Variants in NPAS2 observed in about 807,000 individuals in gnomAD.
NPAS2 encodes the protein neuronal PAS domain protein 2.
NPAS2 carries 23 observed loss-of-function variants against 107.5 expected under a neutral mutation model. The ratio of observed to expected loss-of-function variants is 0.21; its 90% CI spans 0.15 to 0.30. NPAS2 has a LOEUF of 0.30. Among genes scored for constraint, NPAS2 ranks in the 10% least tolerant of loss-of-function variants. NPAS2 has a pLI of 1.00. For missense variants in NPAS2, 756 were observed against 1,043.3 expected, an observed-to-expected ratio of 0.72 and a Z score of 3.79; for synonymous variants, 403 against 417.5, an observed-to-expected ratio of 0.97 and a Z score of 0.42.
At chr2:100,955,069 G>A (rs536327966) in intron 7 of NPAS2, among the ~76,000 whole-genome samples, 103 of 151,968 alleles carry the variant, frequency 6.8e-4, no homozygotes, top group Non-Finnish European at 1.3e-3. Context: ...GTAGAGATGG[G>A]GTTTCGTCAT....
chr2:100,977,641 C>G lies in NPAS2; in HGVS notation c.1393-69C>G. 3 of 1,394,248 alleles carry G rather than the reference C, an allele frequency of 2.2e-6. No homozygotes were observed. In the South Asian group the frequency reaches 3.5e-5, roughly 16 times the overall value. The allele number at this position is 1,394,248 out of a possible 1,614,324, so 86.4% of individuals were successfully genotyped here. On this transcript the variant is annotated intron_variant, in intron 14 of 20. Transcript: ENST00000335681. ...GCGGAACGCAGAGAACCCACCGGAC[C>G]AAGAGACCACATCCCTGTCCCCTGG...
At chr2:100,933,078 C>A in intron 4 of NPAS2, 77 bp downstream of exon 4, 2 of 1,027,644 alleles carry the variant, frequency 1.9e-6, no homozygotes, top group Non-Finnish European at 3.1e-6. Context: ...GTCCCTGTAC[C>A]CAAAGGAAAC....
At chr2:100,913,603 A>C (rs566738601) in intron 2 of NPAS2, among the ~76,000 whole-genome samples, 1 of 152,162 alleles carries the variant, frequency 6.6e-6, no homozygotes, top group Admixed American at 6.5e-5. Flanking sequence ...AAATGGATTA[A>C]AAGGAAGAGC....
chr2:100,982,137 G>A, intron 15 of NPAS2, 94 bp from the exon 16 acceptor site: 1 of 1,452,178 alleles, frequency 6.9e-7, no homozygotes, highest in South Asian at 1.3e-5. Flanking sequence ...CTAAGGGACG[G>A]AAATGAAGTG....
chr2:100,895,485 T>A (rs564081628), intron 1 of NPAS2, among the ~76,000 whole-genome samples: 2 of 152,342 alleles, frequency 1.3e-5, no homozygotes, highest in South Asian at 2.1e-4. Context: ...AGGCCACCAC[T>A]GCCTTTCTCC....
chr2:100,930,156 AT>A (rs1263008083), intron 3 of NPAS2, among the ~76,000 whole-genome samples: 1 of 152,224 alleles, frequency 6.6e-6, no homozygotes, highest in East Asian at 1.9e-4. Flanking sequence ...CCTACACATT[AT>A]CCTCTTCCTG....
At chr2:100,854,818 T>G (rs1678454756) in intron 1 of NPAS2, among the ~76,000 whole-genome samples, 1 of 152,192 alleles carries the variant, frequency 6.6e-6, no homozygotes, top group South Asian at 2.1e-4. Context: ...TGATACCCAT[T>G]GTTGGTACGT....
chr2:100,967,237 C>CTTTTTT (rs58558247), intron 10 of NPAS2, among the ~76,000 whole-genome samples: 1 of 100,548 alleles, frequency 9.9e-6, no homozygotes, highest in African/African-American at 4.0e-5. Context: ...AGTCAGTGTC[C>CTTTTTT]TTTTTTTTTT....
chr2:100,965,798 G>A lies in NPAS2; in HGVS notation c.907+32G>A. On this transcript the variant is annotated intron_variant, in intron 10 of 20. Coordinates refer to ENST00000335681, the MANE Select transcript of NPAS2 (RefSeq NM_002518.4). The surrounding 1 kb of genome is among the most constrained non-coding windows in gnomAD (Gnocchi z 4.3). ...ACCACTGCCCAGCCCAGGCATGGGG[G>A]CCTTGCGTTCACTCCACTGGGGCCC... 2.3e-6 allele frequency: 3 copies of A among 1,301,606 alleles called. No homozygotes were observed. The highest frequency in any genetic ancestry group is 3.1e-6 in the Non-Finnish European group (3 of 962,232). 80.6% of individuals were successfully genotyped at this position (1,301,606 alleles called of 1,614,324 possible). A position where few individuals can be genotyped will look rare whatever the true frequency, so the allele number is the denominator to read the frequency against.
intron 1 of NPAS2, among the ~76,000 whole-genome samples, chr2:100,833,220 G>T (rs1428314496): frequency 1.3e-5 from 2 of 152,192 alleles, no homozygotes; most frequent in Admixed American, 1.3e-4. Context: ...CCCTGATATG[G>T]TCACTGTGAC....
chr2:100,912,215 C>CATTTATTTATTTATTT (rs200504991), intron 2 of NPAS2, among the ~76,000 whole-genome samples: 1 of 143,324 alleles, frequency 7.0e-6, no homozygotes. Flanking sequence ...CAGTTTGCTC[C>CATTTATTTATTTATTT]ATTTATTTAT....
rs560912478 is a variant in NPAS2, at chr2:100,996,644, C to T, written c.*1062C>T. ...GATTTTATGTAATTATAAGATGAAG[C>T]GTAGTGAATTGTACAGCTGTTGTAA... is the stretch of plus-strand genomic sequence containing the variant. On this transcript the variant is annotated 3_prime_UTR_variant, in exon 21 of 21. Coordinates refer to ENST00000335681, the MANE Select transcript of NPAS2 (RefSeq NM_002518.4). 4.6e-5 allele frequency: 7 copies of T among 152,670 alleles called. No homozygotes were observed. In the South Asian group the frequency reaches 1.2e-3, roughly 27 times the overall value. 9.5% of individuals were successfully genotyped at this position (152,670 alleles called of 1,614,324 possible).
At position 100,993,499 on chromosome 2, in the gene NPAS2, G is replaced by A. The variant is rs113107029; in HGVS notation, c.2264G>A (p.Arg755Gln). Residue 755 changes from arginine (R) to glutamine (Q), a missense_variant, in exon 20 of 21, where the codon CGG (arginine) becomes CAG (glutamine). Arg to Gln is a conservative substitution (Grantham distance 43). This residue lies in a region of NPAS2 where 496 missense variants were observed against 594.4 expected (regional missense o/e 0.83). Coordinates refer to ENST00000335681, the MANE Select transcript of NPAS2 (RefSeq NM_002518.4). ...QPSPLQPAQA[R>Q]QQPPQHYLQV... ...TCGCCCCTGCAGCCTGCACAGGCCC[G>A]GCAGCAGCCACCGCAGCACTACCTG... The A allele has an allele frequency of 4.6e-3, 7,411 of 1,594,620 alleles. 34 individuals are homozygous for A. Among genetic ancestry groups the A allele is most frequent in the Non-Finnish European group, 5.9e-3 (6,899 of 1,170,770 alleles).
intron 1 of NPAS2, among the ~76,000 whole-genome samples, chr2:100,824,819 C>T (rs1676275841): frequency 6.6e-6 from 1 of 152,188 alleles, no homozygotes; most frequent in Admixed American, 6.5e-5. Context: ...CTACCATTTG[C>T]CTTCCACGCT....
chr2:100,946,300 A>G (rs914764841), intron 5 of NPAS2, among the ~76,000 whole-genome samples: 3 of 134,264 alleles, frequency 2.2e-5, no homozygotes, highest in Admixed American at 1.5e-4. Context: ...ATGTCACCTG[A>G]TGTCCCATCA....
chr2:100,984,748 C>G (rs1248053304), intron 16 of NPAS2: 4 of 152,102 alleles, frequency 2.6e-5, no homozygotes, highest in Non-Finnish European at 5.9e-5. Flanking sequence ...TGCCCAGCAG[C>G]AAACCAGGAA....
In NPAS2 at chr2:100,932,946, A is replaced by G; in HGVS notation, c.218A>G (p.Gln73Arg). The change falls in exon 4 of 21, where the codon CAA becomes CGA. Residue 73 changes from glutamine to arginine, a missense_variant. By Grantham distance (43) the Gln-to-Arg change is conservative (BLOSUM62 1). Transcript: ENST00000335681. ...SAQTEICDIQ[Q>R]DWKPSFLSNE... ...CAAACGGAAATCTGTGACATTCAGCAAGACTGGAAGCCTTCATTCCTCAGT... is the reference window on the plus strand; with the variant it reads ...CAAACGGAAATCTGTGACATTCAGCGAGACTGGAAGCCTTCATTCCTCAGT... The G allele has an allele frequency of 6.2e-7, 1 of 1,614,140 alleles. No homozygotes were observed. Among genetic ancestry groups the G allele is most frequent in the Non-Finnish European group, 8.5e-7 (1 of 1,179,970 alleles).
Position 100,995,489 on chromosome 2 carries a change from C to T in NPAS2, c.2382C>T (p.Pro794=). ...YSQQPGTLGY[P]QPPPAQPQPL... is the part of the protein sequence containing the mutation. The stretch of plus-strand genomic sequence containing the variant: ...AACAGCCAGGGACCCTGGGCTACCC[C>T]CAACCACCCCCAGCACAGCCCCAGC... Residue 794 remains proline (P), a synonymous_variant, in exon 21 of 21, where the codon CCC becomes CCT. Coordinates refer to ENST00000335681, the MANE Select transcript of NPAS2 (RefSeq NM_002518.4). The T allele has an allele frequency of 6.2e-7, 1 of 1,613,970 alleles. No homozygotes were observed. Among genetic ancestry groups the T allele is most frequent in the Non-Finnish European group, 8.5e-7 (1 of 1,180,000 alleles).
intron 1 of NPAS2, among the ~76,000 whole-genome samples, chr2:100,884,288 A>T (rs1002171837): frequency 5.3e-5 from 8 of 152,182 alleles, no homozygotes; most frequent in Admixed American, 5.2e-4. Context: ...CCCGTTGACC[A>T]TATAAGAGGT....
Sources: allele counts gnomAD v4.1 joint callset (sites outside exome capture counted in the v4.1 genomes callset), GRCh38; gene constraint gnomAD v4.1.1; regional missense constraint gnomAD v4.1.1; non-coding constraint Gnocchi (gnomAD v3.1); transcripts MANE v1.5; gene names NCBI Gene and HGNC (gene_info 2026-07-23, HGNC 2026-07-21).